Variants in PIK3C2G observed in about 807,000 individuals in gnomAD.
The protein encoded by PIK3C2G is phosphatidylinositol-4-phosphate 3-kinase catalytic subunit type 2 gamma, also known as phosphatidylinositol 3-kinase C2 domain-containing subunit gamma.
A neutral mutation model predicts 181.1 loss-of-function variants in PIK3C2G; 168 were observed. The observed-to-expected ratio is 0.93, with a 90% CI of 0.82 to 1.05. The LOEUF (loss-of-function observed/expected upper bound fraction) is 1.05, where lower values mean the gene tolerates loss of function less well. Among genes scored for constraint, PIK3C2G ranks in the 50% least tolerant of loss-of-function variants. The pLI, the probability that PIK3C2G is intolerant of heterozygous loss-of-function variation, is 0.00. For missense variants in PIK3C2G, 1,869 were observed against 1,732.8 expected (o/e 1.08, Z -1.40); for synonymous variants, 573 against 592.2 (o/e 0.97, Z 0.47).
chr12:18,655,409 A>G, the PIK3C2G span, among the ~76,000 whole-genome samples: 9 of 152,212 alleles, frequency 5.9e-5, no homozygotes, highest in Non-Finnish European at 8.8e-5. Flanking sequence ...GCTATAAATG[A>G]ATAAATAAAT....
intron 20 of PIK3C2G, among the ~76,000 whole-genome samples, chr12:18,494,380 C>A (rs1350684013): frequency 6.6e-6 from 1 of 151,784 alleles, no homozygotes; most frequent in Non-Finnish European, 1.5e-5. Context: ...TTATTTTCAA[C>A]TTAATATGTG....
At chr12:18,409,077 A>G (rs1386340755) in intron 16 of PIK3C2G, among the ~76,000 whole-genome samples, 3 of 152,180 alleles carry the variant, frequency 2.0e-5, no homozygotes, top group African/African-American at 4.8e-5. Flanking sequence ...AAATCATTCT[A>G]CTATAAAGAC....
At chr12:18,558,572 A>G (rs1331172973) in intron 26 of PIK3C2G, among the ~76,000 whole-genome samples, 1 of 152,084 alleles carries the variant, frequency 6.6e-6, no homozygotes, top group African/African-American at 2.4e-5. Context: ...TTCTCTACTG[A>G]CTTTGTGTCA....
At chr12:18,346,421 T>G (rs969112839) in intron 10 of PIK3C2G, among the ~76,000 whole-genome samples, 2 of 152,186 alleles carry the variant, frequency 1.3e-5, no homozygotes, top group African/African-American at 4.8e-5. Flanking sequence ...TTCCAAGATT[T>G]CTGCAGCTGA....
At chr12:18,480,215 A>G (rs1159576815) in intron 18 of PIK3C2G, among the ~76,000 whole-genome samples, 1 of 152,168 alleles carries the variant, frequency 6.6e-6, no homozygotes, top group Admixed American at 6.5e-5. Context: ...TTTTGCTTAT[A>G]TAATTAACAA....
At chr12:18,583,999 G>A (rs1946639802) in intron 29 of PIK3C2G, among the ~76,000 whole-genome samples, 1 of 151,802 alleles carries the variant, frequency 6.6e-6, no homozygotes, top group Non-Finnish European at 1.5e-5. Context: ...AGATAAAATA[G>A]ACAGTTTTTT....
intron 13 of PIK3C2G, 51 bp from the exon 14 acceptor site, chr12:18,381,715 T>C: frequency 9.8e-7 from 1 of 1,019,440 alleles, no homozygotes; most frequent in Non-Finnish European, 1.6e-6. Context: ...TAATTATAAC[T>C]TCCCTCATGA....
Position 18,274,470 on chromosome 12 carries a change from A to G in PIK3C2G, c.-78-7534A>G, listed in dbSNP as rs372269883. Reference sequence around the variant, plus strand: ...CATATACACCATGGAATACTATGCAACCATAAAAAATGATGAGTTCAGATC... The same window carrying G: ...CATATACACCATGGAATACTATGCAGCCATAAAAAATGATGAGTTCAGATC... On this transcript the variant is annotated intron_variant, in intron 1 of 32. Coordinates refer to ENST00000538779, the MANE Select transcript of PIK3C2G (RefSeq NM_001288772.2). 2.4e-3 allele frequency among the ~76,000 whole-genome samples: 371 copies of G among 152,288 alleles called. 2 individuals are homozygous for G. Among genetic ancestry groups the G allele is most frequent in the African/African-American group, 8.3e-3 (346 of 41,552 alleles).
upstream of PIK3C2G, among the ~76,000 whole-genome samples, chr12:18,257,393 G>T (rs989793900): frequency 6.6e-6 from 1 of 152,144 alleles, no homozygotes; most frequent in Non-Finnish European, 1.5e-5. Flanking sequence ...AGCCACAGTT[G>T]TGGGCTCTAG....
chr12:18,712,953 A>AATCT, the PIK3C2G span: 1 of 1,614,024 alleles, frequency 6.2e-7, no homozygotes, highest in Non-Finnish European at 8.5e-7. Flanking sequence ...CCCAGCAGTC[A>AATCT]ATCTCCAAAC....
intron 31 of PIK3C2G, among the ~76,000 whole-genome samples, chr12:18,619,741 A>ATT (rs34358685): frequency 2.5e-4 from 36 of 143,060 alleles, no homozygotes; most frequent in African/African-American, 9.2e-4. Flanking sequence ...TATGATTTTA[A>ATT]TTTTTTTTTT....
the PIK3C2G span, among the ~76,000 whole-genome samples, chr12:18,719,166 C>A: frequency 3.2e-3 from 494 of 152,142 alleles, 4 homozygotes; most frequent in African/African-American, 0.011. Context: ...CAGCAAACTT[C>A]GGAGGGGCCA....
intron 31 of PIK3C2G, among the ~76,000 whole-genome samples, chr12:18,636,546 G>A (rs1194616482): frequency 6.6e-6 from 1 of 152,124 alleles, no homozygotes; most frequent in Non-Finnish European, 1.5e-5. Context: ...TTTGTTAACA[G>A]GTATTGATAA....
At chr12:18,587,142 C>T (rs1222390411) in intron 29 of PIK3C2G, among the ~76,000 whole-genome samples, 1 of 151,888 alleles carries the variant, frequency 6.6e-6, no homozygotes, top group Non-Finnish European at 1.5e-5. Context: ...CTTGAAAATC[C>T]GCACAAGTTA....
intron 1 of PIK3C2G, among the ~76,000 whole-genome samples, chr12:18,248,704 A>G (rs149224358): frequency 6.6e-6 from 1 of 152,294 alleles, no homozygotes; most frequent in East Asian, 1.9e-4. Context: ...TCATTTATAT[A>G]TGAACAACAC....
rs1565561194 is a variant in PIK3C2G at position 18,290,978 on chromosome 12, T to C, written c.885T>C (p.Asp295=). ...AGTTTAATATACATATTTTTATTGA[T>C]AACTCAACACAACCTCTTCATTTTA... ...KTKFNIHIFI[D]NSTQPLHFMP... The change falls in exon 4 of 33, where the codon GAT becomes GAC. Residue 295 remains aspartate (D), a synonymous_variant. Transcript: ENST00000538779. 1.2e-6 allele frequency: 2 copies of C among 1,601,012 alleles called. No individual in the cohort carries two copies. Among genetic ancestry groups the C allele is most frequent in the East Asian group, 2.2e-5 (1 of 44,730 alleles).
At chr12:18,589,184 T>G (rs1055068186) in intron 29 of PIK3C2G, among the ~76,000 whole-genome samples, 1 of 151,694 alleles carries the variant, frequency 6.6e-6, no homozygotes, top group Non-Finnish European at 1.5e-5. Flanking sequence ...AGCTTAAAAG[T>G]TTTTTAAAAA....
In PIK3C2G at chr12:18,486,220, T is replaced by A. The variant is rs78649800; in HGVS notation, c.2505-2229T>A. Among the ~76,000 whole-genome samples, 998 of 152,266 alleles carry A rather than the reference T, an allele frequency of 6.6e-3. 11 individuals carry two copies. The highest frequency in any genetic ancestry group is 0.023 in the African/African-American group (971 of 41,558). On this transcript the variant is annotated intron_variant, in intron 18 of 32. Coordinates refer to ENST00000538779, the MANE Select transcript of PIK3C2G (RefSeq NM_001288772.2). The stretch of plus-strand genomic sequence containing the variant: ...CAGATCTCACCAGGAGAACATGTAA[T>A]CTTGGCAGGGATGCAGGGTTTGAAT...
intron 18 of PIK3C2G, among the ~76,000 whole-genome samples, chr12:18,462,884 C>G (rs1474289356): frequency 6.6e-6 from 1 of 152,020 alleles, no homozygotes; most frequent in Non-Finnish European, 1.5e-5. Flanking sequence ...AGTAAAATTA[C>G]ATTATCCAGC....
Sources: gnomAD v4.1 joint callset for allele counts (sites outside exome capture counted in the v4.1 genomes callset) on GRCh38, gnomAD v4.1.1 for gene constraint, MANE v1.5 for transcripts, NCBI Gene and HGNC (gene_info 2026-07-23, HGNC 2026-07-21) for gene names.